Variants in GRIP1 observed in about 807,000 individuals in gnomAD.
The protein encoded by GRIP1 is glutamate receptor interacting protein 1, also known as glutamate receptor-interacting protein 1.
A neutral mutation model predicts 129.9 loss-of-function variants in GRIP1; 45 were observed. The ratio of observed to expected loss-of-function variants is 0.35; its 90% confidence interval spans 0.27 to 0.44. The LOEUF is 0.44. Ranked by LOEUF, GRIP1 falls within the 20% of genes least tolerant of loss-of-function variation. The pLI is 1.00. For synonymous variants in GRIP1, 530 were observed against 520.8 expected, an observed-to-expected ratio of 1.02 and a Z score of -0.24; for missense variants, 1,196 against 1,396.8, an observed-to-expected ratio of 0.86 and a Z score of 2.29.
intron 14 of GRIP1, among the ~76,000 whole-genome samples, chr12:66,424,837 GGAATTCTA>G (rs2057928512): frequency 6.6e-6 from 1 of 152,080 alleles, no homozygotes; most frequent in African/African-American, 2.4e-5. Flanking sequence ...AATCTTATCA[GGAATTCTA>G]TCAGAGTTTG....
intron 1 of GRIP1, among the ~76,000 whole-genome samples, chr12:67,033,344 A>C (rs2043050938): frequency 1.3e-5 from 2 of 151,400 alleles, no homozygotes; most frequent in African/African-American, 4.8e-5. Context: ...CTTGCTCTGC[A>C]TATTTGATCA....
intron 14 of GRIP1, among the ~76,000 whole-genome samples, chr12:66,432,146 A>G (rs960587509): frequency 2.0e-5 from 3 of 152,166 alleles, no homozygotes; most frequent in Admixed American, 6.5e-5. Context: ...CTAATAATTC[A>G]CAATATAAAA....
chr12:66,984,297 A>G (rs1349992296), intron 1 of GRIP1, among the ~76,000 whole-genome samples: 2 of 152,236 alleles, frequency 1.3e-5, no homozygotes, highest in Admixed American at 6.5e-5. Context: ...TCTGACGAAG[A>G]TAAATCTGGA....
intron 1 of GRIP1, among the ~76,000 whole-genome samples, chr12:66,629,936 G>C (rs1055533991): frequency 6.6e-6 from 1 of 152,042 alleles, no homozygotes; most frequent in East Asian, 1.9e-4. Flanking sequence ...TTTGAATCTC[G>C]GGTTTTTACT....
intron 1 of GRIP1, among the ~76,000 whole-genome samples, chr12:66,815,837 T>TTCC (rs1777236378): frequency 3.2e-5 from 1 of 30,918 alleles, no homozygotes; most frequent in Non-Finnish European, 1.2e-4. Flanking sequence ...TCTTTCTTTC[T>TTCC]TTCTTTCTTT....
intron 1 of GRIP1, among the ~76,000 whole-genome samples, chr12:66,639,459 G>A (rs2031727206): frequency 6.6e-6 from 1 of 152,178 alleles, no homozygotes; most frequent in African/African-American, 2.4e-5. Context: ...CTGGATGGGT[G>A]AGGGAGAAAA....
chr12:66,646,815 A>G (rs1030801884), intron 1 of GRIP1, among the ~76,000 whole-genome samples: 3 of 152,204 alleles, frequency 2.0e-5, no homozygotes, highest in Admixed American at 6.5e-5. Context: ...GAGACCAGGT[A>G]GCAAGAAGAG....
At chr12:66,852,414 A>G (rs976086573) in intron 1 of GRIP1, among the ~76,000 whole-genome samples, 8 of 151,892 alleles carry the variant, frequency 5.3e-5, no homozygotes, top group Admixed American at 4.6e-4. Flanking sequence ...ATAATCTCTT[A>G]GTACCACCTG....
chr12:66,919,283 A>G (rs754668042), intron 1 of GRIP1, among the ~76,000 whole-genome samples: 3 of 152,166 alleles, frequency 2.0e-5, no homozygotes, highest in Non-Finnish European at 2.9e-5. Context: ...GTTCACCTGA[A>G]AGCAGAGTTA....
intron 7 of GRIP1, among the ~76,000 whole-genome samples, chr12:66,498,631 A>G (rs1407905231): frequency 6.6e-6 from 1 of 152,242 alleles, no homozygotes; most frequent in Non-Finnish European, 1.5e-5. Flanking sequence ...CTATTACTAT[A>G]ATGGCAATGT....
chr12:66,811,460 A>G (rs1308846221), intron 1 of GRIP1, among the ~76,000 whole-genome samples: 1 of 152,094 alleles, frequency 6.6e-6, no homozygotes, highest in Non-Finnish European at 1.5e-5. Context: ...GATGAAAAAT[A>G]TAGTGCTAAT....
intron 23 of GRIP1, among the ~76,000 whole-genome samples, chr12:66,366,550 A>C (rs1318683994): frequency 6.6e-6 from 1 of 152,250 alleles, no homozygotes. Context: ...GCCACAAATA[A>C]AAGCAGATGC....
chr12:66,447,424 A>G (rs1024735814), intron 11 of GRIP1, among the ~76,000 whole-genome samples: 4 of 152,154 alleles, frequency 2.6e-5, no homozygotes, highest in Admixed American at 2.6e-4. Context: ...ACCTTATTTC[A>G]TTCCACAAAG....
rs1375341363 is a variant in GRIP1, at chr12:66,406,433, T to C, written c.1839-5A>G. ...CCAAGTTCCAGGGTCCCAGTTCTGT[T>C]AGTGAATGCAAAGTAACACATGACT... On this transcript the variant is annotated splice_region_variant and splice_polypyrimidine_tract_variant and intron_variant, in intron 15 of 24. Transcript: ENST00000359742. 2 of 1,613,920 alleles carry C rather than the reference T, an allele frequency of 1.2e-6. No individual in the cohort carries two copies. Among genetic ancestry groups the C allele is most frequent in the East Asian group, 2.2e-5 (1 of 44,870 alleles).
At chr12:66,514,016 A>G (rs1258742156) in intron 7 of GRIP1, among the ~76,000 whole-genome samples, 1 of 152,100 alleles carries the variant, frequency 6.6e-6, no homozygotes, top group African/African-American at 2.4e-5. Flanking sequence ...CTCTTCACTG[A>G]CTGCTCTATT....
chr12:66,584,823 C>T (rs535443181), intron 2 of GRIP1, among the ~76,000 whole-genome samples: 1 of 150,662 alleles, frequency 6.6e-6, no homozygotes, highest in East Asian at 2.0e-4. Context: ...AATGATACCT[C>T]CTCTCTCTCT....
At chr12:66,680,671 G>C (rs2034549972), upstream of GRIP1, among the ~76,000 whole-genome samples, 1 of 152,042 alleles carries the variant, frequency 6.6e-6, no homozygotes, top group South Asian at 2.1e-4. Context: ...CTTAGTACTA[G>C]AGAACTGAGT....
At chr12:66,920,391 AAAAC>A (rs957946049) in intron 1 of GRIP1, among the ~76,000 whole-genome samples, 16 of 152,280 alleles carry the variant, frequency 1.1e-4, no homozygotes, top group African/African-American at 3.4e-4. Context: ...ACCTGATTAA[AAAAC>A]AACCACCTGA....
chr12:66,438,820 G>A (rs1366292990), intron 13 of GRIP1, among the ~76,000 whole-genome samples: 1 of 152,106 alleles, frequency 6.6e-6, no homozygotes, highest in Non-Finnish European at 1.5e-5. Flanking sequence ...CTGACCAAAT[G>A]ACAGCTTCTT....
Sources: gnomAD v4.1 joint callset for allele counts (sites outside exome capture counted in the v4.1 genomes callset) on GRCh38, gnomAD v4.1.1 for gene constraint, MANE v1.5 for transcripts, NCBI Gene and HGNC (gene_info 2026-07-23, HGNC 2026-07-21) for gene names.